The following UGGT1 variants were observed in gnomAD, a reference collection of about 807,000 sequenced individuals.
UGGT1 encodes the protein UDP-glucose:glycoprotein glucosyltransferase 1.
In UGGT1, 107 loss-of-function variants were observed where a neutral mutation model predicts 203.9. The ratio of observed to expected loss-of-function variants is 0.52; its 90% CI spans 0.45 to 0.62. The LOEUF (loss-of-function observed/expected upper bound fraction) is 0.62, where lower values mean the gene tolerates loss of function less well. Ranked by LOEUF, UGGT1 falls within the 20% of genes least tolerant of loss-of-function variation. The pLI, the probability that UGGT1 is intolerant of heterozygous loss-of-function variation, is 0.00. For missense variants in UGGT1, 1,673 were observed against 1,867.2 expected (o/e 0.90, Z 1.92); for synonymous variants, 628 against 653.5 (o/e 0.96, Z 0.59).
At position 128,120,303 on chromosome 2, in the gene UGGT1, T is replaced by C. The variant is rs1376855121; in HGVS notation, c.873-53T>C. 3.2e-6 allele frequency: 5 copies of C among 1,553,424 alleles called. No homozygotes were observed. The East Asian group carries it at 6.7e-5, about 21-fold the overall frequency. ...GATAAAGTTGGTTTACTTCTTCTTA[T>C]GCTCCGGGAAAGAAAAAATAATGAA... On this transcript the variant is annotated intron_variant, in intron 8 of 40. Transcript: ENST00000259253.
In UGGT1 at chr2:128,104,146, G is replaced by A. The variant is rs1424310488; in HGVS notation, c.277+132G>A. On this transcript the variant is annotated intron_variant, in intron 3 of 40. Coordinates refer to ENST00000259253, the MANE Select transcript of UGGT1 (RefSeq NM_020120.4). ...TGTCTTTAATGACTGGAGTTATGAT[G>A]GTGGTCAGGAAGAGCCAACACAACA... 4 of 631,956 alleles carry A rather than the reference G, an allele frequency of 6.3e-6. 1 individual carries two copies. Among genetic ancestry groups the A allele is most frequent in the Non-Finnish European group, 1.0e-5 (4 of 385,876 alleles). 39.1% of individuals were successfully genotyped at this position (631,956 alleles called of 1,614,324 possible). A position where few individuals can be genotyped will look rare whatever the true frequency, so the allele number is the denominator to read the frequency against.
At chr2:128,124,492 C>T (rs935912516) in intron 11 of UGGT1, among the ~76,000 whole-genome samples, 60 of 151,904 alleles carry the variant, frequency 3.9e-4, no homozygotes, top group African/African-American at 1.4e-3. Flanking sequence ...TTAGGTGGTT[C>T]GTGGGCCCTT....
chr2:128,101,679 G>A (rs1687378944), intron 2 of UGGT1, among the ~76,000 whole-genome samples: 1 of 152,110 alleles, frequency 6.6e-6, no homozygotes, highest in Non-Finnish European at 1.5e-5. Flanking sequence ...ATCTCTGAAT[G>A]GCAGCTTCTT....
chr2:128,097,537 T>G lies in UGGT1; in HGVS notation c.167T>G (p.Phe56Cys). The G allele has an allele frequency of 6.2e-7, 1 of 1,614,168 alleles. No individual in the cohort carries two copies. The highest frequency in any genetic ancestry group is 1.1e-5 in the South Asian group (1 of 91,090). ...ACAACCTCTCTTACAACAAAATGGT[T>G]TTCCACTCCATTGTTGTTAGAAGCC... ...AITTSLTTKW[F>C]STPLLLEASE... The change falls in exon 2 of 41, where the codon TTT becomes TGT. Residue 56 changes from phenylalanine (F) to cysteine (C), a missense_variant. By Grantham distance (205) the Phe-to-Cys change is radical. Around this residue, in one of 4 missense-constraint regions of UGGT1, gnomAD observed 83 missense variants for 87.2 expected, o/e 0.95. Transcript: ENST00000259253.
intron 39 of UGGT1, 127 bp from the exon 40 acceptor site, chr2:128,187,322 A>G (rs1692029778): frequency 1.0e-6 from 1 of 974,372 alleles, no homozygotes; most frequent in South Asian, 1.9e-5. Flanking sequence ...TGCTTCTGGT[A>G]GTATATCATT....
At chr2:128,109,198 T>C (rs1391704467) in intron 4 of UGGT1, among the ~76,000 whole-genome samples, 3 of 151,754 alleles carry the variant, frequency 2.0e-5, no homozygotes, top group African/African-American at 7.3e-5. Context: ...GGCCTGTTTT[T>C]GCATTTATTG....
chr2:128,187,346 T>C, intron 39 of UGGT1, 103 bp from the exon 40 acceptor site: 6 of 1,299,168 alleles, frequency 4.6e-6, no homozygotes, highest in Non-Finnish European at 6.3e-6. Context: ...TTCCTTACTA[T>C]TGTTTTCTTG....
At position 128,195,000 on chromosome 2, in the gene UGGT1, CAA is replaced by C. The variant is rs1347952192; in HGVS notation, c.*5260_*5261del. ...AGTGACAATTTATAAAAACAAACTGCAAAGTCTGTGGCAAGTGGCTGCCTGCT... is the reference window on the plus strand; with the variant it reads ...AGTGACAATTTATAAAAACAAACTGCAGTCTGTGGCAAGTGGCTGCCTGCT... On this transcript the variant is annotated 3_prime_UTR_variant, in exon 41 of 41. Transcript: ENST00000259253. The C allele has an allele frequency of 6.6e-6, 1 of 152,192 alleles. No individual in the cohort carries two copies. Among genetic ancestry groups the C allele is most frequent in the Non-Finnish European group, 1.5e-5 (1 of 68,032 alleles). The allele number at this position is 152,192 out of a possible 1,614,324, so 9.4% of individuals were successfully genotyped here.
intron 31 of UGGT1, among the ~76,000 whole-genome samples, chr2:128,176,463 CA>C (rs1210719561): frequency 2.0e-5 from 3 of 147,738 alleles, no homozygotes; most frequent in African/African-American, 7.5e-5. Flanking sequence ...AATAATGGTT[CA>C]GGGGGCCTGT....
intron 31 of UGGT1, among the ~76,000 whole-genome samples, chr2:128,176,523 AAC>A (rs948674290): frequency 1.3e-5 from 2 of 151,922 alleles, no homozygotes; most frequent in African/African-American, 4.8e-5. Context: ...AGAGCTTGTG[AAC>A]ACAGGCGGTT....
chr2:128,130,503 G>A (rs189024653), intron 13 of UGGT1, among the ~76,000 whole-genome samples: 124 of 152,222 alleles, frequency 8.1e-4, no homozygotes, highest in African/African-American at 2.9e-3. Context: ...TCTGTTAAAA[G>A]TACTTATAAA....
intron 2 of UGGT1, among the ~76,000 whole-genome samples, chr2:128,100,932 G>C (rs1268408124): frequency 1.3e-5 from 2 of 152,158 alleles, no homozygotes; most frequent in African/African-American, 4.8e-5. Flanking sequence ...AGGGTATACT[G>C]TTTTCTTCAC....
intron 13 of UGGT1, among the ~76,000 whole-genome samples, chr2:128,131,793 A>G (rs1688893171): frequency 6.6e-6 from 1 of 151,904 alleles, no homozygotes; most frequent in Non-Finnish European, 1.5e-5. Context: ...ATGCCCAGCT[A>G]ATTTTTGTAT....
chr2:128,116,354 T>C lies in UGGT1; in HGVS notation c.872+11T>C. 1 of 1,576,888 alleles carries C rather than the reference T, an allele frequency of 6.3e-7. No homozygotes were observed. The highest frequency in any genetic ancestry group is 8.7e-7 in the Non-Finnish European group (1 of 1,147,932). On this transcript the variant is annotated intron_variant, in intron 8 of 40. Transcript: ENST00000259253. The stretch of plus-strand genomic sequence containing the variant: ...CTTTGGAAAATTAAGGTATGTATGT[T>C]CTGTGTATTTTGGGAAACGCCCTCA...
intron 16 of UGGT1, among the ~76,000 whole-genome samples, chr2:128,140,954 C>T (rs925600904): frequency 2.0e-5 from 3 of 151,994 alleles, no homozygotes; most frequent in Admixed American, 6.5e-5. Context: ...TCCCAAAGTG[C>T]TGGGATTTTA....
chr2:128,144,180 C>T (rs1206842142), intron 17 of UGGT1, among the ~76,000 whole-genome samples: 1 of 152,138 alleles, frequency 6.6e-6, no homozygotes, highest in Non-Finnish European at 1.5e-5. Flanking sequence ...CGAGTCCTTA[C>T]TAATCTCAGT....
At chr2:128,100,175 T>C (rs1416053857) in intron 2 of UGGT1, among the ~76,000 whole-genome samples, 1 of 151,352 alleles carries the variant, frequency 6.6e-6, no homozygotes, top group Admixed American at 6.6e-5. Context: ...TAGCTGGGAT[T>C]ACCGGCGTGT....
chr2:128,175,266 G>T (rs1331410934), intron 31 of UGGT1, among the ~76,000 whole-genome samples: 2 of 152,244 alleles, frequency 1.3e-5, no homozygotes, highest in Admixed American at 6.5e-5. Flanking sequence ...GTACATGGAA[G>T]CTTTGGTCTT....
chr2:128,179,776 T>C lies in UGGT1; in HGVS notation c.3816-10T>C. 6.2e-7 allele frequency: 1 copy of C among 1,608,396 alleles called. No individual in the cohort carries two copies. Among genetic ancestry groups the C allele is most frequent in the Non-Finnish European group, 8.5e-7 (1 of 1,177,980 alleles). On this transcript the variant is annotated splice_polypyrimidine_tract_variant and intron_variant, in intron 34 of 40. Coordinates refer to ENST00000259253, the MANE Select transcript of UGGT1 (RefSeq NM_020120.4). ...AAAGCTGTTATTAATTACCTGCTTT[T>C]GTTTGGCAGCATAATGATGCTATCC...
Sources: allele counts gnomAD v4.1 joint callset (sites outside exome capture counted in the v4.1 genomes callset), GRCh38; gene constraint gnomAD v4.1.1; regional missense constraint gnomAD v4.1.1; transcripts MANE v1.5; gene names NCBI Gene and HGNC (gene_info 2026-07-23, HGNC 2026-07-21).